The following CDK14 variants were observed in gnomAD, a reference collection of about 807,000 sequenced individuals.
CDK14 encodes cyclin dependent kinase 14.
CDK14 carries 34 observed loss-of-function variants against 60.7 expected under a neutral mutation model. The ratio of observed to expected loss-of-function variants is 0.56; its 90% CI spans 0.43 to 0.75. CDK14 has a LOEUF of 0.75. Ranked by LOEUF, CDK14 falls within the 30% of genes least tolerant of loss-of-function variation. The pLI, the probability that CDK14 is intolerant of heterozygous loss-of-function variation, is 0.00. For synonymous variants in CDK14, 197 were observed against 203.7 expected (o/e 0.97, Z 0.28); for missense variants, 482 against 564.1 (o/e 0.85, Z 1.47).
At chr7:90,612,145 C>G (rs1052877501) in intron 2 of CDK14, among the ~76,000 whole-genome samples, 1 of 152,124 alleles carries the variant, frequency 6.6e-6, no homozygotes, top group Non-Finnish European at 1.5e-5. Context: ...AAACAGTTAT[C>G]TTTTATTTTC....
intron 7 of CDK14, among the ~76,000 whole-genome samples, chr7:90,909,443 C>G (rs551899344): frequency 8.7e-6 from 1 of 114,910 alleles, no homozygotes; most frequent in African/African-American, 3.4e-5. Flanking sequence ...CCCCCACCCC[C>G]GCAACATGCT....
chr7:90,953,284 C>A (rs2117557168), intron 8 of CDK14, among the ~76,000 whole-genome samples: 1 of 152,264 alleles, frequency 6.6e-6, no homozygotes, highest in East Asian at 1.9e-4. Context: ...TTCACTCTGA[C>A]ACATTTACAT....
At chr7:91,189,819 A>G (rs556084257) in intron 14 of CDK14, among the ~76,000 whole-genome samples, 1 of 152,378 alleles carries the variant, frequency 6.6e-6, no homozygotes, top group Admixed American at 6.5e-5. Context: ...TTCTGCCTAC[A>G]TAGCGTAAGA....
At chr7:90,867,742 A>G (rs531062617) in intron 6 of CDK14, among the ~76,000 whole-genome samples, 2 of 152,312 alleles carry the variant, frequency 1.3e-5, no homozygotes, top group Admixed American at 1.3e-4. Context: ...ACCGCACACC[A>G]TAGTGCACAT....
At chr7:90,770,829 T>TA (rs1173025440) in intron 4 of CDK14, among the ~76,000 whole-genome samples, 2 of 152,166 alleles carry the variant, frequency 1.3e-5, no homozygotes, top group Admixed American at 1.3e-4. Context: ...CCAGGAAACT[T>TA]TTCTGACTTC....
intron 3 of CDK14, among the ~76,000 whole-genome samples, chr7:90,728,460 GA>G (rs1482082024): frequency 6.6e-6 from 1 of 150,752 alleles, no homozygotes; most frequent in Non-Finnish European, 1.5e-5. Context: ...CCTTCAATTG[GA>G]TTTTTAATTA....
intron 9 of CDK14, among the ~76,000 whole-genome samples, chr7:90,963,096 T>A (rs955873770): frequency 2.1e-5 from 3 of 142,526 alleles, no homozygotes; most frequent in East Asian, 2.0e-4. Context: ...AGTGTGTGTG[T>A]GTGTGTGTGT....
At chr7:90,828,553 TA>T (rs1354826836) in intron 5 of CDK14, among the ~76,000 whole-genome samples, 1 of 152,174 alleles carries the variant, frequency 6.6e-6, no homozygotes, top group Admixed American at 6.5e-5. Flanking sequence ...TCACAACTCT[TA>T]AAACTTTTGA....
At chr7:90,644,685 T>G (rs1001215884) in intron 2 of CDK14, among the ~76,000 whole-genome samples, 4 of 152,202 alleles carry the variant, frequency 2.6e-5, no homozygotes, top group Non-Finnish European at 4.4e-5. Context: ...ATCAGAATAC[T>G]TCTAGGGGCA....
chr7:90,823,209 CT>C (rs1160154158), intron 5 of CDK14, among the ~76,000 whole-genome samples: 11 of 152,134 alleles, frequency 7.2e-5, no homozygotes, highest in African/African-American at 2.7e-4. Context: ...TGTTCAAAGT[CT>C]TAAATTTTTC....
intron 9 of CDK14, among the ~76,000 whole-genome samples, chr7:90,980,585 G>T (rs1482274078): frequency 6.6e-6 from 1 of 152,064 alleles, no homozygotes; most frequent in Non-Finnish European, 1.5e-5. Flanking sequence ...CCAGTAATAA[G>T]GAATTCTGTT....
intron 12 of CDK14, among the ~76,000 whole-genome samples, chr7:91,098,924 A>G (rs1402922411): frequency 6.6e-6 from 1 of 152,190 alleles, no homozygotes; most frequent in Admixed American, 6.5e-5. Flanking sequence ...TTGCATTACT[A>G]AGTTATACTT....
At chr7:91,176,385 T>C (rs1801756823) in intron 14 of CDK14, among the ~76,000 whole-genome samples, 1 of 151,680 alleles carries the variant, frequency 6.6e-6, no homozygotes, top group South Asian at 2.1e-4. Flanking sequence ...CACCCTAACA[T>C]CACAATTAAA....
At chr7:90,773,329 G>C (rs1804863601) in intron 4 of CDK14, among the ~76,000 whole-genome samples, 1 of 152,040 alleles carries the variant, frequency 6.6e-6, no homozygotes, top group Non-Finnish European at 1.5e-5. Context: ...GCCTCTTCTA[G>C]TTGTGTGACT....
At chr7:90,876,649 A>G in intron 6 of CDK14, among the ~76,000 whole-genome samples, 1 of 152,162 alleles carries the variant, frequency 6.6e-6, no homozygotes, top group East Asian at 1.9e-4. Context: ...ACTTGCTACC[A>G]TCTGTTTTGG....
At chr7:90,810,685 TG>T (rs1789059312) in intron 5 of CDK14, among the ~76,000 whole-genome samples, 2 of 152,238 alleles carry the variant, frequency 1.3e-5, no homozygotes, top group African/African-American at 4.8e-5. Context: ...TGTCCCTGTT[TG>T]CAGATGACAT....
chr7:90,646,422 A>T (rs11563819), intron 2 of CDK14, among the ~76,000 whole-genome samples: 3 of 151,694 alleles, frequency 2.0e-5, no homozygotes, highest in Admixed American at 2.0e-4. Flanking sequence ...TTAGTTGAAA[A>T]GTAGCTATAA....
intron 9 of CDK14, among the ~76,000 whole-genome samples, chr7:90,963,983 G>C (rs1407825864): frequency 1.3e-5 from 2 of 151,974 alleles, no homozygotes; most frequent in Non-Finnish European, 2.9e-5. Flanking sequence ...CAAAGTGCTG[G>C]GATTACAGGC....
chr7:91,137,359 A>G (rs1463507249), intron 14 of CDK14, among the ~76,000 whole-genome samples: 1 of 152,104 alleles, frequency 6.6e-6, no homozygotes, highest in Non-Finnish European at 1.5e-5. Context: ...GCTGGGGGCC[A>G]ATCTGTTTTC....
Sources: allele counts gnomAD v4.1 joint callset (sites outside exome capture counted in the v4.1 genomes callset), GRCh38; gene constraint gnomAD v4.1.1; transcripts MANE v1.5; gene names NCBI Gene and HGNC (gene_info 2026-07-23, HGNC 2026-07-21).